Variants in ADCY8 observed in about 807,000 individuals in gnomAD.
The protein encoded by ADCY8 is adenylate cyclase 8, also known as adenylate cyclase type 8.
In ADCY8, 51 loss-of-function variants were observed where a neutral mutation model predicts 119.7. The observed-to-expected ratio is 0.43, with a 90% CI of 0.34 to 0.54. The LOEUF (loss-of-function observed/expected upper bound fraction) is 0.54. ADCY8 is among the 20% of genes least tolerant of loss of function. The pLI, the probability that ADCY8 is intolerant of heterozygous loss-of-function variation, is 0.03. For synonymous variants in ADCY8, 665 were observed against 651.0 expected (o/e 1.02, Z -0.33); for missense variants, 1,383 against 1,598.8 (o/e 0.87, Z 2.30).
chr8:130,937,063 C>T lies in ADCY8; in HGVS notation c.1481+10G>A. The T allele has an allele frequency of 6.2e-7, 1 of 1,604,024 alleles. No individual in the cohort carries two copies. Among genetic ancestry groups the T allele is most frequent in the Non-Finnish European group, 8.5e-7 (1 of 1,173,766 alleles). On this transcript the variant is annotated intron_variant, in intron 5 of 17. Coordinates refer to ENST00000286355, the MANE Select transcript of ADCY8 (RefSeq NM_001115.3). Reference sequence around the variant, plus strand: ...AAGACCCAGGTAACATGATGGGGATCACAAATTACCTGATGGTTTTGATCA... The same window carrying T: ...AAGACCCAGGTAACATGATGGGGATTACAAATTACCTGATGGTTTTGATCA...
intron 2 of ADCY8, among the ~76,000 whole-genome samples, chr8:130,970,729 G>A (rs1212254121): frequency 3.9e-5 from 6 of 152,146 alleles, no homozygotes; most frequent in Non-Finnish European, 8.8e-5. Context: ...GAAAGCCATT[G>A]GGGGTGTTTC....
At chr8:130,975,392 G>C (rs1220620027) in intron 2 of ADCY8, among the ~76,000 whole-genome samples, 1 of 152,190 alleles carries the variant, frequency 6.6e-6, no homozygotes, top group Non-Finnish European at 1.5e-5. Context: ...CTCTGAATGT[G>C]CTGCTGGGAG....
intron 7 of ADCY8, among the ~76,000 whole-genome samples, chr8:130,888,927 G>T (rs1033913260): frequency 6.6e-6 from 1 of 152,072 alleles, no homozygotes; most frequent in African/African-American, 2.4e-5. Flanking sequence ...CAGCAAGACT[G>T]CAGGCTGAAG....
At chr8:130,989,998 C>T (rs1822524846) in intron 2 of ADCY8, among the ~76,000 whole-genome samples, 1 of 152,108 alleles carries the variant, frequency 6.6e-6, no homozygotes, top group South Asian at 2.1e-4. Flanking sequence ...CTTCCATGCG[C>T]TTACTCTAAT....
chr8:130,894,288 C>G (rs1277999625), intron 7 of ADCY8, among the ~76,000 whole-genome samples: 2 of 152,122 alleles, frequency 1.3e-5, no homozygotes, highest in Non-Finnish European at 2.9e-5. Context: ...CTGCTACTTC[C>G]TTTTACCCTA....
chr8:130,959,419 A>G (rs913166584), intron 2 of ADCY8, among the ~76,000 whole-genome samples: 7 of 152,228 alleles, frequency 4.6e-5, no homozygotes, highest in Admixed American at 2.6e-4. Context: ...AACATTTAAC[A>G]GAAAATAAAG....
At chr8:131,023,270 C>G (rs1347477596) in intron 1 of ADCY8, among the ~76,000 whole-genome samples, 1 of 152,168 alleles carries the variant, frequency 6.6e-6, no homozygotes, top group Non-Finnish European at 1.5e-5. Flanking sequence ...GCCCTGATGC[C>G]CATGGACACT....
chr8:130,988,489 T>C (rs1275751025), intron 2 of ADCY8, among the ~76,000 whole-genome samples: 1 of 152,168 alleles, frequency 6.6e-6, no homozygotes, highest in Non-Finnish European at 1.5e-5. Flanking sequence ...GCTTTCTACA[T>C]AGTATCTCAT....
chr8:131,035,001 T>C (rs570787355), intron 1 of ADCY8, among the ~76,000 whole-genome samples: 1 of 152,314 alleles, frequency 6.6e-6, no homozygotes, highest in African/African-American at 2.4e-5. Context: ...TTAGAATTTC[T>C]CTACCTTGTG....
intron 1 of ADCY8, among the ~76,000 whole-genome samples, chr8:131,038,744 G>C (rs77398391): frequency 1.3e-5 from 2 of 152,094 alleles, no homozygotes; most frequent in Non-Finnish European, 2.9e-5. Flanking sequence ...CACTGGGGTC[G>C]CATCGTGTCA....
intron 1 of ADCY8, among the ~76,000 whole-genome samples, chr8:131,021,085 T>C (rs1823650883): frequency 6.6e-6 from 1 of 152,164 alleles, no homozygotes; most frequent in Non-Finnish European, 1.5e-5. Flanking sequence ...CAAAAAATAG[T>C]TAATGTTAAT....
At chr8:130,913,667 G>A (rs2130561553) in intron 5 of ADCY8, among the ~76,000 whole-genome samples, 1 of 152,122 alleles carries the variant, frequency 6.6e-6, no homozygotes, top group African/African-American at 2.4e-5. Context: ...CCCCCCTCCT[G>A]TAATAAAGTG....
At chr8:130,844,949 C>T (rs1817253104) in intron 11 of ADCY8, among the ~76,000 whole-genome samples, 1 of 152,186 alleles carries the variant, frequency 6.6e-6, no homozygotes, top group Non-Finnish European at 1.5e-5. Flanking sequence ...TTGACGATAA[C>T]ATACATTGGC....
chr8:130,937,888 T>C (rs1488892762), intron 4 of ADCY8, among the ~76,000 whole-genome samples: 1 of 152,168 alleles, frequency 6.6e-6, no homozygotes, highest in African/African-American at 2.4e-5. Context: ...ACAACAACCC[T>C]CTAAGGTGGG....
intron 4 of ADCY8, among the ~76,000 whole-genome samples, chr8:130,940,705 G>A (rs3922957): frequency 0.01 from 1,597 of 152,208 alleles, 31 homozygotes; most frequent in African/African-American, 0.036. Context: ...AAGACAGACT[G>A]CTTTGGAAAA....
Position 130,952,722 on chromosome 8 carries a change from G to A in ADCY8, c.1111-724C>T, listed in dbSNP as rs1821311237. Among the ~76,000 whole-genome samples the A allele has an allele frequency of 1.3e-5, 2 of 152,180 alleles. 1 individual carries two copies. Among genetic ancestry groups the A allele is most frequent in the South Asian group, 4.1e-4 (2 of 4,822 alleles). Reference sequence around the variant, plus strand: ...GTTCTGGGGAGGAGCCAAGGCTGGAGGCAGAGGGACCAGGTGGGGGAAGCT... The same window carrying A: ...GTTCTGGGGAGGAGCCAAGGCTGGAAGCAGAGGGACCAGGTGGGGGAAGCT... On this transcript the variant is annotated intron_variant, in intron 2 of 17. Coordinates refer to ENST00000286355, the MANE Select transcript of ADCY8 (RefSeq NM_001115.3).
At chr8:130,914,530 G>A (rs7841689) in intron 5 of ADCY8, among the ~76,000 whole-genome samples, 6,676 of 152,126 alleles carry the variant, frequency 0.044, 445 homozygotes, top group African/African-American at 0.15. Flanking sequence ...AGATAAGAAT[G>A]AAACTATATA....
chr8:131,019,358 A>G (rs1238783524), intron 1 of ADCY8, among the ~76,000 whole-genome samples: 1 of 152,244 alleles, frequency 6.6e-6, no homozygotes, highest in East Asian at 1.9e-4. Flanking sequence ...AACATCAGCT[A>G]TTAAAAGAAG....
chr8:130,891,123 G>T (rs1332634471), intron 7 of ADCY8, among the ~76,000 whole-genome samples: 1 of 152,026 alleles, frequency 6.6e-6, no homozygotes, highest in Non-Finnish European at 1.5e-5. Context: ...ACCTATTCTG[G>T]GAGCACGCTT....
Sources: gnomAD v4.1 joint callset for allele counts (sites outside exome capture counted in the v4.1 genomes callset) on GRCh38, gnomAD v4.1.1 for gene constraint, MANE v1.5 for transcripts, NCBI Gene and HGNC (gene_info 2026-07-23, HGNC 2026-07-21) for gene names.